The following CTNNA2 variants were observed in gnomAD, a reference collection of about 807,000 sequenced individuals.
CTNNA2 encodes catenin alpha 2.
In CTNNA2, 42 loss-of-function variants were observed where a neutral mutation model predicts 101.0. The ratio of observed to expected loss-of-function variants is 0.42; its 90% confidence interval spans 0.32 to 0.54. CTNNA2 has a LOEUF of 0.54. Ranked by LOEUF, CTNNA2 falls within the 20% of genes least tolerant of loss-of-function variation. The pLI, the probability that CTNNA2 is intolerant of heterozygous loss-of-function variation, is 0.14. For synonymous variants in CTNNA2, 450 were observed against 456.4 expected (o/e 0.99, Z 0.18); for missense variants, 871 against 1,223.1 (o/e 0.71, Z 4.29).
At chr2:80,385,234 C>T (rs1307659215) in intron 7 of CTNNA2, among the ~76,000 whole-genome samples, 1 of 152,110 alleles carries the variant, frequency 6.6e-6, no homozygotes, top group Non-Finnish European at 1.5e-5. Flanking sequence ...GTGATTATGT[C>T]ATGAAAGTGG....
chr2:80,176,475 T>C (rs1325974061), intron 7 of CTNNA2, among the ~76,000 whole-genome samples: 1 of 152,252 alleles, frequency 6.6e-6, no homozygotes, highest in African/African-American at 2.4e-5. Flanking sequence ...TCACGTGTCA[T>C]AGCTGGTATT....
intron 3 of CTNNA2, among the ~76,000 whole-genome samples, chr2:79,832,398 C>CCTATA (rs1340598296): frequency 6.6e-6 from 1 of 152,156 alleles, no homozygotes; most frequent in Admixed American, 6.5e-5. Flanking sequence ...AACAGAATTG[C>CCTATA]CTATACTTTT....
chr2:79,631,724 GA>G (rs1325613832), intron 1 of CTNNA2, among the ~76,000 whole-genome samples: 2 of 152,070 alleles, frequency 1.3e-5, no homozygotes, highest in African/African-American at 4.8e-5. Flanking sequence ...TTCTAAAGCA[GA>G]AAAAAAGTAC....
chr2:80,182,999 A>G (rs1268152510), intron 7 of CTNNA2, among the ~76,000 whole-genome samples: 2 of 152,218 alleles, frequency 1.3e-5, no homozygotes, highest in African/African-American at 4.8e-5. Context: ...CACTTCGGTT[A>G]GGACAGTTTG....
At chr2:80,107,547 A>G (rs1700964503) in intron 7 of CTNNA2, among the ~76,000 whole-genome samples, 4 of 152,176 alleles carry the variant, frequency 2.6e-5, no homozygotes, top group Admixed American at 2.6e-4. Context: ...TCCATCACTT[A>G]ATAAAATTCT....
At chr2:79,514,877 G>A (rs1305738263) in intron 1 of CTNNA2, among the ~76,000 whole-genome samples, 15 of 152,182 alleles carry the variant, frequency 9.9e-5, no homozygotes, top group Admixed American at 9.2e-4. Context: ...CTATGCTGTG[G>A]AACACATTAT....
At chr2:79,766,238 T>C (rs1367073521) in intron 3 of CTNNA2, among the ~76,000 whole-genome samples, 1 of 152,186 alleles carries the variant, frequency 6.6e-6, no homozygotes, top group East Asian at 1.9e-4. Flanking sequence ...CCGTGAGCTT[T>C]TGTCTGTCTG....
chr2:79,734,989 G>GT (rs1330826955), intron 2 of CTNNA2, among the ~76,000 whole-genome samples: 1 of 152,122 alleles, frequency 6.6e-6, no homozygotes, highest in Non-Finnish European at 1.5e-5. Context: ...CAATAAGTCA[G>GT]TAGAAACACT....
intron 2 of CTNNA2, among the ~76,000 whole-genome samples, chr2:79,692,446 G>A (rs1684365773): frequency 6.6e-6 from 1 of 152,130 alleles, no homozygotes; most frequent in South Asian, 2.1e-4. Flanking sequence ...TTTAACTATT[G>A]TGGAAGACAG....
chr2:79,389,500 A>C (rs1426476289), intron 4 of CTNNA2, among the ~76,000 whole-genome samples: 2 of 152,204 alleles, frequency 1.3e-5, no homozygotes, highest in East Asian at 3.8e-4. Context: ...TAAATTTAAA[A>C]ATATTTGTGC....
intron 7 of CTNNA2, among the ~76,000 whole-genome samples, chr2:80,373,172 TGG>T (rs1232672096): frequency 3.6e-5 from 5 of 140,176 alleles, no homozygotes; most frequent in Non-Finnish European, 8.2e-5. Flanking sequence ...TGTTAATTAG[TGG>T]AGTGAACAAA....
intron 7 of CTNNA2, among the ~76,000 whole-genome samples, chr2:80,156,413 A>G (rs1278850518): frequency 3.9e-5 from 6 of 152,106 alleles, no homozygotes; most frequent in African/African-American, 9.7e-5. Context: ...AGAGTCTATC[A>G]TTTTTCAGTT....
At chr2:79,941,811 G>C (rs1158497009) in intron 7 of CTNNA2, among the ~76,000 whole-genome samples, 2 of 151,950 alleles carry the variant, frequency 1.3e-5, no homozygotes, top group Non-Finnish European at 2.9e-5. Flanking sequence ...TAGAGGTGGG[G>C]TGTCACCATG....
chr2:80,542,910 A>G lies in CTNNA2; in HGVS notation c.1291-2072A>G, dbSNP rs774889329. Among the ~76,000 whole-genome samples, 17 of 151,956 alleles carry G rather than the reference A, an allele frequency of 1.1e-4. 2 individuals are homozygous for G. Among genetic ancestry groups the G allele is most frequent in the Admixed American group, 9.2e-4 (14 of 15,284 alleles). ...CCCACATGCCACTTTGGACAGGGGA[A>G]GCTGCATTCTGGACTCGTACCACAG... On this transcript the variant is annotated intron_variant, in intron 9 of 18. Coordinates refer to ENST00000402739, the MANE Select transcript of CTNNA2 (RefSeq NM_001282597.3).
rs1676494437 is a variant in CTNNA2 at position 79,586,486 on chromosome 2, C to A, written c.-5-65066C>A. ...TCATAGTTTTTCTTTTCTACAAAGC[C>A]TTCTTCTTTTAGGTGTTTAGGTTTT... On this transcript the variant is annotated intron_variant, in intron 1 of 18. Coordinates refer to ENST00000402739, the MANE Select transcript of CTNNA2 (RefSeq NM_001282597.3). Among the ~76,000 whole-genome samples the A allele has an allele frequency of 2.0e-5, 3 of 151,194 alleles. 1 individual carries two copies. In the South Asian group the frequency reaches 6.3e-4, roughly 32 times the overall value.
intron 4 of CTNNA2, among the ~76,000 whole-genome samples, chr2:79,421,243 A>C (rs1161879264): frequency 6.6e-6 from 1 of 152,216 alleles, no homozygotes; most frequent in Non-Finnish European, 1.5e-5. Flanking sequence ...AAAGAATGAG[A>C]TATGACTAAA....
chr2:80,134,461 C>G (rs1702582112), intron 7 of CTNNA2, among the ~76,000 whole-genome samples: 1 of 152,146 alleles, frequency 6.6e-6, no homozygotes, highest in Admixed American at 6.6e-5. Context: ...GCTTGTAAAC[C>G]TTCCAGGGGG....
At chr2:79,531,422 C>A (rs1672737170) in intron 1 of CTNNA2, among the ~76,000 whole-genome samples, 1 of 151,670 alleles carries the variant, frequency 6.6e-6, no homozygotes, top group Non-Finnish European at 1.5e-5. Context: ...GACTTTGTTG[C>A]CAAACTTCAG....
At position 79,854,997 on chromosome 2, in the gene CTNNA2, A is replaced by C. The variant is rs370950128; in HGVS notation, c.299-3016A>C. Among the ~76,000 whole-genome samples, 5 of 152,170 alleles carry C rather than the reference A, an allele frequency of 3.3e-5. No individual in the cohort carries two copies. The East Asian group carries it at 9.6e-4, about 29-fold the overall frequency. On this transcript the variant is annotated intron_variant, in intron 3 of 18. Transcript: ENST00000402739. Reference sequence around the variant, plus strand: ...AAGCTGCAGGGACTAAGACCTATTAAAATTATAGCTGATTTGAGGTTGCCT... The same window carrying C: ...AAGCTGCAGGGACTAAGACCTATTACAATTATAGCTGATTTGAGGTTGCCT...
Sources: allele counts gnomAD v4.1 joint callset (sites outside exome capture counted in the v4.1 genomes callset), GRCh38; gene constraint gnomAD v4.1.1; transcripts MANE v1.5; gene names NCBI Gene and HGNC (gene_info 2026-07-23, HGNC 2026-07-21).